The following PTPRS variants were observed in gnomAD, a reference collection of about 807,000 sequenced individuals.
PTPRS encodes protein tyrosine phosphatase receptor type S.
PTPRS carries 63 observed loss-of-function variants against 215.3 expected under a neutral mutation model. The ratio of observed to expected loss-of-function variants is 0.29; its 90% CI spans 0.24 to 0.36. The LOEUF (loss-of-function observed/expected upper bound fraction) is 0.36. Among genes scored for constraint, PTPRS ranks in the 10% least tolerant of loss-of-function variants. The probability of loss-of-function intolerance (pLI) is 1.00; values close to 1 mark genes in which losing one functional copy is unlikely to be tolerated. For missense variants in PTPRS, 2,258 were observed against 2,825.8 expected (o/e 0.80, Z 4.56); for synonymous variants, 1,404 against 1,191.4 (o/e 1.18, Z -3.68).
intron 9 of PTPRS, among the ~76,000 whole-genome samples, chr19:5,252,978 A>G (rs1044781122): frequency 1.3e-5 from 2 of 151,992 alleles, no homozygotes; most frequent in Non-Finnish European, 2.9e-5. Context: ...AACCATTTAC[A>G]TGGGTCCTGT....
intron 6 of PTPRS, among the ~76,000 whole-genome samples, chr19:5,262,031 G>T (rs1017952124): frequency 4.6e-5 from 7 of 152,294 alleles, no homozygotes; most frequent in South Asian, 2.1e-4. Flanking sequence ...CTAGCACTTT[G>T]GGAAGCCGAG....
At position 5,286,081 on chromosome 19, in the gene PTPRS, C is replaced by A. The variant is rs377050104; in HGVS notation, c.60G>T (p.Val20=). 2 of 1,614,138 alleles carry A rather than the reference C, an allele frequency of 1.2e-6. No homozygotes were observed. The highest frequency in any genetic ancestry group is 1.3e-5 in the African/African-American group (1 of 75,062). ...VSVVGPMGLL[V]VLLVGGCAAE... The stretch of plus-strand genomic sequence containing the variant: ...CTGCACAGCCTCCAACGAGCAGGAC[C>A]ACAAGGAGGCCCATGGGACCAACCA... Residue 20 remains valine, a synonymous_variant, in exon 2 of 38, where the codon GTG becomes GTT. Transcript: ENST00000262963.
Position 5,238,948 on chromosome 19 carries a change from G to T in PTPRS, c.1820C>A (p.Pro607His), listed in dbSNP as rs140733933. Reference sequence around the variant, plus strand: ...CTGCAGCGTGCGCTGCCGCACCACGGGGGTGAAGGCGCCCAGGCCCTGCGG... The same window carrying T: ...CTGCAGCGTGCGCTGCCGCACCACGTGGGTGAAGGCGCCCAGGCCCTGCGG... ...RSPQGLGAFT[P>H]VVRQRTLQSK... Residue 607 changes from proline to histidine, a missense_variant, in exon 13 of 38, where the codon CCC (proline) becomes CAC (histidine). Physicochemically the swap from Pro to His is moderately conservative, Grantham distance 77 (BLOSUM62 -2). Coordinates refer to ENST00000262963, the MANE Select transcript of PTPRS (RefSeq NM_002850.4). 1.9e-6 allele frequency: 3 copies of T among 1,610,984 alleles called. No homozygotes were observed. Among genetic ancestry groups the T allele is most frequent in the Admixed American group, 3.4e-5 (2 of 59,658 alleles).
At position 5,334,300 on chromosome 19, in the gene PTPRS, T is replaced by C. The variant is rs1457881149; in HGVS notation, c.-95+6364A>G. On this transcript the variant is annotated intron_variant, in intron 1 of 37. Transcript: ENST00000262963. Reference sequence around the variant, plus strand: ...GGAGAGCCCCTCTTGGGCAGGTCCTTCAACATATCAGTGTAGCTCCCATGT... The same window carrying C: ...GGAGAGCCCCTCTTGGGCAGGTCCTCCAACATATCAGTGTAGCTCCCATGT... Among the ~76,000 whole-genome samples the C allele has an allele frequency of 2.0e-5, 3 of 152,170 alleles. No individual in the cohort carries two copies. In the East Asian group the frequency reaches 5.8e-4, roughly 29 times the overall value.
chr19:5,216,436 CT>C (rs2041459874), intron 26 of PTPRS, among the ~76,000 whole-genome samples: 1 of 152,178 alleles, frequency 6.6e-6, no homozygotes, highest in Non-Finnish European at 1.5e-5. Context: ...GAGCTCACAT[CT>C]AAGGGGCCTG....
chr19:5,258,162 A>AG (rs759316844), intron 7 of PTPRS, 35 bp from the exon 8 acceptor site: 3 of 1,557,108 alleles, frequency 1.9e-6, no homozygotes, highest in South Asian at 1.1e-5. Context: ...GGTCTGTTAG[A>AG]GGGGGGCCCA....
Position 5,287,964 on chromosome 19 carries a change from GCACACACACACACACACACACA to G in PTPRS, c.-94-1752_-94-1731del, listed in dbSNP as rs3042434. On this transcript the variant is annotated intron_variant, in intron 1 of 37. Coordinates refer to ENST00000262963, the MANE Select transcript of PTPRS (RefSeq NM_002850.4). The surrounding 1 kb of genome is among the most constrained non-coding windows in gnomAD (Gnocchi z 4.8). ...TCACACAGTCAGGCAGCAGAGACGG[GCACACACACACACACACACACA>G]CACACACACACACACACACACACAA... 2.0e-4 allele frequency among the ~76,000 whole-genome samples: 27 copies of G among 133,362 alleles called. No homozygotes were observed. The East Asian group carries it at 2.3e-3, about 11-fold the overall frequency. The allele number at this position is 133,362 out of a possible 152,430, so 87.5% of individuals were successfully genotyped here.
In PTPRS at chr19:5,205,801, G is replaced by A. The variant is rs904464548; in HGVS notation, c.*973C>T. On this transcript the variant is annotated 3_prime_UTR_variant, in exon 38 of 38. Coordinates refer to ENST00000262963, the MANE Select transcript of PTPRS (RefSeq NM_002850.4). ...GGATCCTCTCTGTCTCCTTGGGGGC[G>A]GGAGACGGGGAGACAGCTCAGGCTC... 4.6e-5 allele frequency among the ~76,000 whole-genome samples: 7 copies of A among 152,138 alleles called. No individual in the cohort carries two copies. The East Asian group carries it at 5.8e-4, about 13-fold the overall frequency.
At chr19:5,319,708 C>A (rs889003668) in intron 1 of PTPRS, among the ~76,000 whole-genome samples, 2 of 152,048 alleles carry the variant, frequency 1.3e-5, no homozygotes, top group South Asian at 4.1e-4. Flanking sequence ...ACACGCCAGG[C>A]GTGGTCCTGC....
Position 5,338,972 on chromosome 19 carries a change from G to C in PTPRS, c.-95+1692C>G, listed in dbSNP as rs1321232884. On this transcript the variant is annotated intron_variant, in intron 1 of 37. Coordinates refer to ENST00000262963, the MANE Select transcript of PTPRS (RefSeq NM_002850.4). The surrounding 1 kb of genome is among the most constrained non-coding windows in gnomAD (Gnocchi z 4.2). ...AATCCCAGCAGCCAAAGTCCGGGTG[G>C]TGGCGGACGGGAGCCCGGAGCGTGT... Among the ~76,000 whole-genome samples, 1 of 152,226 alleles carries C rather than the reference G, an allele frequency of 6.6e-6. No individual in the cohort carries two copies. Among genetic ancestry groups the C allele is most frequent in the Non-Finnish European group, 1.5e-5 (1 of 68,034 alleles).
rs1414722202 is a variant in PTPRS, at chr19:5,211,745, G to C, written c.5079C>G (p.His1693Gln). The C allele has an allele frequency of 1.9e-6, 3 of 1,613,638 alleles. No homozygotes were observed. In the African/African-American group the frequency reaches 4.0e-5, roughly 22 times the overall value. ...EFKRLANSKA[H>Q]TSRFISANLP... ...GATTGGCACTGATGAAGCGTGACGT[G>C]TGGGCCTTGGAGTTAGCCAGCCGCT... is the stretch of plus-strand genomic sequence containing the variant. Residue 1693 changes from histidine to glutamine, a missense_variant, in exon 33 of 38, where the codon CAC (histidine) becomes CAG (glutamine). His to Gln is a conservative substitution (Grantham distance 24). This residue lies in a region of PTPRS where 927 missense variants were observed against 1,125.9 expected (regional missense o/e 0.82). Transcript: ENST00000262963.
rs1346953581 is a variant in PTPRS at position 5,287,668 on chromosome 19, C to T, written c.-94-1434G>A. ...TTCTGACTCCCAAAATACCCAGCTG[C>T]GGTCACCTCGCCCAGCCCTGGGGCG... On this transcript the variant is annotated intron_variant, in intron 1 of 37. Coordinates refer to ENST00000262963, the MANE Select transcript of PTPRS (RefSeq NM_002850.4). The surrounding 1 kb of genome is among the most constrained non-coding windows in gnomAD (Gnocchi z 4.8). 2.6e-5 allele frequency among the ~76,000 whole-genome samples: 4 copies of T among 152,160 alleles called. No homozygotes were observed. The highest frequency in any genetic ancestry group is 6.5e-5 in the Admixed American group (1 of 15,282).
intron 11 of PTPRS, 55 bp downstream of exon 11, chr19:5,243,846 C>A: frequency 1.4e-6 from 2 of 1,387,108 alleles, no homozygotes; most frequent in Non-Finnish European, 1.9e-6. Context: ...AGGGAGCATG[C>A]AAAGAACCAA....
At chr19:5,260,496 A>G (rs552580097) in intron 7 of PTPRS, among the ~76,000 whole-genome samples, 1 of 152,278 alleles carries the variant, frequency 6.6e-6, no homozygotes, top group East Asian at 1.9e-4. Flanking sequence ...CTCATTTTAG[A>G]GGTGGCTAAA....
chr19:5,234,168 T>C (rs1449144525), intron 13 of PTPRS, among the ~76,000 whole-genome samples: 2 of 142,462 alleles, frequency 1.4e-5, no homozygotes, highest in South Asian at 4.6e-4. Context: ...ATGGTAAAAT[T>C]TTTCTTGTAG....
At position 5,242,070 on chromosome 19, in the gene PTPRS, G is replaced by A. The variant is rs529041053; in HGVS notation, c.1571-1738C>T. ...AGGCTGGTCTTGAACTCCTGACCTCGTGATCCACCTGCCTCAGCCTCCCAA... is the reference window on the plus strand; with the variant it reads ...AGGCTGGTCTTGAACTCCTGACCTCATGATCCACCTGCCTCAGCCTCCCAA... On this transcript the variant is annotated intron_variant, in intron 11 of 37. Coordinates refer to ENST00000262963, the MANE Select transcript of PTPRS (RefSeq NM_002850.4). Among the ~76,000 whole-genome samples the A allele has an allele frequency of 1.6e-4, 24 of 152,218 alleles. 3 individuals are homozygous for A. The highest frequency in any genetic ancestry group is 5.9e-4 in the Admixed American group (9 of 15,294).
chr19:5,303,959 ATAAT>A (rs2049394463), intron 1 of PTPRS, among the ~76,000 whole-genome samples: 1 of 151,188 alleles, frequency 6.6e-6, no homozygotes. Context: ...TCAAAAAATA[ATAAT>A]AACAATAAAA....
intron 1 of PTPRS, among the ~76,000 whole-genome samples, chr19:5,325,300 T>A (rs1431152537): frequency 6.6e-6 from 1 of 152,256 alleles, no homozygotes; most frequent in East Asian, 1.9e-4. Flanking sequence ...CACAGACAGC[T>A]GCAAGGTGCA....
Position 5,212,238 on chromosome 19 carries a change from G to A in PTPRS, c.4782C>T (p.Gly1594=). The A allele has an allele frequency of 6.2e-7, 1 of 1,610,722 alleles. No homozygotes were observed. The highest frequency in any genetic ancestry group is 2.2e-5 in the East Asian group (1 of 44,804). The change falls in exon 32 of 38, where the codon GGC becomes GGT. Residue 1594 remains glycine, a synonymous_variant. Transcript: ENST00000262963. ...PIVVHCSAGV[G]RTGCFIVIDA... ...CGATGACGATAAAGCAGCCTGTGCGGCCCACACCGGCACTGCAGGGACAGC... is the reference window on the plus strand; with the variant it reads ...CGATGACGATAAAGCAGCCTGTGCGACCCACACCGGCACTGCAGGGACAGC...
Sources: gnomAD v4.1 joint callset for allele counts (sites outside exome capture counted in the v4.1 genomes callset) on GRCh38, gnomAD v4.1.1 for gene constraint, gnomAD v4.1.1 regional missense constraint, Gnocchi (gnomAD v3.1) non-coding constraint, MANE v1.5 for transcripts, NCBI Gene and HGNC (gene_info 2026-07-23, HGNC 2026-07-21) for gene names.